The following VPS39 variants were observed in gnomAD, a reference collection of about 807,000 sequenced individuals.
The protein encoded by VPS39 is vam6/Vps39-like protein.
Under a neutral mutation model 121.0 loss-of-function variants are expected in VPS39, and 70 were observed. That is an observed-to-expected ratio of 0.58 (90% CI 0.48 to 0.71). VPS39 has a LOEUF of 0.71. Ranked by LOEUF, VPS39 falls within the 30% of genes least tolerant of loss-of-function variation. The probability of loss-of-function intolerance (pLI) is 0.00; values close to 1 mark genes in which losing one functional copy is unlikely to be tolerated. For missense variants in VPS39, 818 were observed against 1,051.5 expected, an observed-to-expected ratio of 0.78 and a Z score of 3.07; for synonymous variants, 378 against 398.1, an observed-to-expected ratio of 0.95 and a Z score of 0.60.
intron 13 of VPS39, among the ~76,000 whole-genome samples, chr15:42,167,162 C>T (rs1243526345): frequency 6.6e-6 from 1 of 152,226 alleles, no homozygotes; most frequent in Non-Finnish European, 1.5e-5. Context: ...GTAGCACTAA[C>T]TGCAATCCGA....
At chr15:42,193,080 T>A (rs964536692) in intron 2 of VPS39, among the ~76,000 whole-genome samples, 4 of 152,198 alleles carry the variant, frequency 2.6e-5, no homozygotes, top group African/African-American at 9.6e-5. Context: ...GCCCCCGGCC[T>A]ATAATTCTCT....
At chr15:42,203,870 G>A (rs896502570) in intron 1 of VPS39, among the ~76,000 whole-genome samples, 2 of 152,212 alleles carry the variant, frequency 1.3e-5, no homozygotes, top group South Asian at 4.1e-4. Flanking sequence ...AGCACGCGCA[G>A]CATGGGATGG....
At chr15:42,195,820 C>T (rs2049925059) in intron 2 of VPS39, among the ~76,000 whole-genome samples, 1 of 152,186 alleles carries the variant, frequency 6.6e-6, no homozygotes, top group African/African-American at 2.4e-5. Flanking sequence ...GAAAAAACTA[C>T]TTTAAAGTTC....
At chr15:42,195,243 C>T (rs1387012532) in intron 2 of VPS39, among the ~76,000 whole-genome samples, 3 of 152,112 alleles carry the variant, frequency 2.0e-5, no homozygotes, top group African/African-American at 7.2e-5. Flanking sequence ...GAATTCCAGA[C>T]CAGCCTGGCC....
At chr15:42,178,643 T>C in intron 8 of VPS39, 73 bp from the exon 9 acceptor site, 1 of 1,583,074 alleles carries the variant, frequency 6.3e-7, no homozygotes, top group Non-Finnish European at 8.6e-7. Flanking sequence ...CAGCTGCCCA[T>C]TCTAAGATAC....
intron 10 of VPS39, among the ~76,000 whole-genome samples, chr15:42,176,401 A>C (rs891794570): frequency 2.0e-5 from 3 of 152,062 alleles, no homozygotes; most frequent in Admixed American, 2.0e-4. Context: ...TTAAATATAT[A>C]TGTAAAAGAG....
At chr15:42,173,907 T>C in intron 10 of VPS39, 55 bp from the exon 11 acceptor site, 9 of 1,598,792 alleles carry the variant, frequency 5.6e-6, no homozygotes, top group Non-Finnish European at 7.7e-6. Context: ...TATTGTTCAG[T>C]ATGTTCTTGA....
At chr15:42,165,570 TC>T in intron 17 of VPS39, 147 bp downstream of exon 17, 1 of 616,972 alleles carries the variant, frequency 1.6e-6, no homozygotes, top group East Asian at 2.8e-5. Context: ...TCTACTGGGA[TC>T]TTTTTCTTCA....
chr15:42,208,252 G>T lies in VPS39; in HGVS notation c.-99C>A. On this transcript the variant is annotated 5_prime_UTR_variant, in exon 1 of 25. Coordinates refer to ENST00000318006, the MANE Select transcript of VPS39 (RefSeq NM_015289.5). ...TGGGCTAAGGGTAGACCGGGATCCG[G>T]CCAGGAACCCCCCGGCTACAGGCCC... The T allele has an allele frequency of 6.8e-7, 1 of 1,463,664 alleles. No individual in the cohort carries two copies. The highest frequency in any genetic ancestry group is 9.2e-7 in the Non-Finnish European group (1 of 1,081,968). 90.7% of individuals were successfully genotyped at this position (1,463,664 alleles called of 1,614,324 possible).
In VPS39 at chr15:42,171,030, T is replaced by G. The variant is rs370660551; in HGVS notation, c.1091-1164A>C. On this transcript the variant is annotated intron_variant, in intron 11 of 24. Coordinates refer to ENST00000318006, the MANE Select transcript of VPS39 (RefSeq NM_015289.5). ...GATTATAGGCATGAGCCACTGTACC[T>G]GGCCACTCCCAGATTGTAACAGCAA... 7.2e-5 allele frequency among the ~76,000 whole-genome samples: 11 copies of G among 152,278 alleles called. No individual in the cohort carries two copies. The East Asian group carries it at 1.7e-3, about 24-fold the overall frequency.
chr15:42,169,021 T>C lies in VPS39; in HGVS notation c.1233+703A>G, dbSNP rs139215425. Reference sequence around the variant, plus strand: ...GGTTAAGAGACTTTAATGGAGATGCTGGCTTTAGTGCTGACTTAAAAAATG... The same window carrying C: ...GGTTAAGAGACTTTAATGGAGATGCCGGCTTTAGTGCTGACTTAAAAAATG... On this transcript the variant is annotated intron_variant, in intron 12 of 24. Transcript: ENST00000318006. 3.3e-5 allele frequency among the ~76,000 whole-genome samples: 5 copies of C among 152,380 alleles called. No homozygotes were observed. In the East Asian group the frequency reaches 9.6e-4, roughly 29 times the overall value.
intron 10 of VPS39, 106 bp downstream of exon 10, chr15:42,178,112 G>C: frequency 1.3e-6 from 2 of 1,497,612 alleles, no homozygotes; most frequent in Admixed American, 1.9e-5. Flanking sequence ...TGGACTTTCA[G>C]CTATGTGCTT....
chr15:42,161,948 G>A, intron 23 of VPS39, 84 bp downstream of exon 23: 1 of 1,600,968 alleles, frequency 6.2e-7, no homozygotes, highest in Non-Finnish European at 8.5e-7. Flanking sequence ...TACAGGCTCT[G>A]CCTTGGTCAG....
chr15:42,208,064 G>A lies in VPS39; in HGVS notation c.73+17C>T, dbSNP rs367716151. 1.7e-5 allele frequency: 27 copies of A among 1,569,568 alleles called. No homozygotes were observed. The highest frequency in any genetic ancestry group is 3.7e-5 in the Admixed American group (2 of 53,954). ...CCTGTGCTGACTCCGCCTCGGCCCC[G>A]CGGCCCCTCGGCTCACCCCAGGCAG... On this transcript the variant is annotated intron_variant, in intron 1 of 24. Transcript: ENST00000318006.
chr15:42,182,855 G>A (rs1478099093), intron 8 of VPS39, among the ~76,000 whole-genome samples: 1 of 152,186 alleles, frequency 6.6e-6, no homozygotes, highest in Non-Finnish European at 1.5e-5. Context: ...CTCTCATCCT[G>A]GGAAATCAGA....
At chr15:42,170,795 C>T (rs2049333784) in intron 11 of VPS39, among the ~76,000 whole-genome samples, 1 of 112,144 alleles carries the variant, frequency 8.9e-6, no homozygotes, top group Non-Finnish European at 1.7e-5. Context: ...CTCAGTGGCA[C>T]AATCTTGGCT....
chr15:42,166,290 G>C, intron 15 of VPS39, 58 bp from the exon 16 acceptor site: 1 of 1,534,298 alleles, frequency 6.5e-7, no homozygotes, highest in South Asian at 1.1e-5. Context: ...GTGGCACTGG[G>C]AAGGCAGGTG....
At chr15:42,203,571 G>A (rs1472454301) in intron 1 of VPS39, among the ~76,000 whole-genome samples, 10 of 152,054 alleles carry the variant, frequency 6.6e-5, no homozygotes, top group Admixed American at 2.0e-4. Flanking sequence ...CACTGGCGGC[G>A]GAGGTTGCAG....
chr15:42,180,697 A>T (rs1385402144), intron 8 of VPS39, among the ~76,000 whole-genome samples: 6 of 152,262 alleles, frequency 3.9e-5, no homozygotes, highest in Non-Finnish European at 1.5e-5. Flanking sequence ...CTGAACTGTA[A>T]GATAAATTTA....
Sources: allele counts gnomAD v4.1 joint callset (sites outside exome capture counted in the v4.1 genomes callset), GRCh38; gene constraint gnomAD v4.1.1; transcripts MANE v1.5; gene names NCBI Gene and HGNC (gene_info 2026-07-23, HGNC 2026-07-21).